ITGA1: variants seen among roughly 807,000 people sequenced by gnomAD.
ITGA1 encodes the protein integrin alpha-1.
ITGA1 carries 85 observed loss-of-function variants against 145.9 expected under a neutral mutation model. That is an observed-to-expected ratio of 0.58 (90% confidence interval 0.49 to 0.70). The LOEUF (loss-of-function observed/expected upper bound fraction) is 0.70. ITGA1 is among the 30% of genes least tolerant of loss of function. ITGA1 has a pLI of 0.00. For missense variants in ITGA1, 1,351 were observed against 1,418.7 expected, an observed-to-expected ratio of 0.95 and a Z score of 0.77; for synonymous variants, 520 against 495.3, an observed-to-expected ratio of 1.05 and a Z score of -0.66.
chr5:52,859,899 C>T (rs1024167441), intron 2 of ITGA1, among the ~76,000 whole-genome samples: 1 of 152,198 alleles, frequency 6.6e-6, no homozygotes, highest in African/African-American at 2.4e-5. Flanking sequence ...CATCTATTTC[C>T]AGCACTGCAG....
intron 1 of ITGA1, among the ~76,000 whole-genome samples, chr5:52,835,403 G>A (rs550135687): frequency 6.6e-6 from 1 of 152,254 alleles, no homozygotes; most frequent in Admixed American, 6.5e-5. Context: ...ATCAACGGGG[G>A]AGTTGGGGAG....
intron 1 of ITGA1, among the ~76,000 whole-genome samples, chr5:52,845,574 T>C (rs765117872): frequency 1.3e-5 from 2 of 152,198 alleles, no homozygotes; most frequent in Admixed American, 6.5e-5. Context: ...GGTGATGTTC[T>C]TGTCTTCATC....
intron 13 of ITGA1, 121 bp downstream of exon 13, chr5:52,909,162 C>A: frequency 1.0e-6 from 1 of 971,228 alleles, no homozygotes; most frequent in Non-Finnish European, 1.5e-6. Flanking sequence ...TATCAGGATT[C>A]ATTCACTCCA....
intron 1 of ITGA1, among the ~76,000 whole-genome samples, chr5:52,816,628 C>T (rs1299168497): frequency 6.6e-6 from 1 of 152,128 alleles, no homozygotes; most frequent in Non-Finnish European, 1.5e-5. Flanking sequence ...GGCCATACCT[C>T]TCTTAGAGAT....
At chr5:52,883,268 G>A (rs76655008) in intron 7 of ITGA1, among the ~76,000 whole-genome samples, 1,962 of 152,298 alleles carry the variant, frequency 0.013, 49 homozygotes, top group African/African-American at 0.045. Context: ...GTAGGGAGCT[G>A]TACGTTTTCC....
chr5:52,833,282 A>G (rs1240614311), intron 1 of ITGA1, among the ~76,000 whole-genome samples: 1 of 152,186 alleles, frequency 6.6e-6, no homozygotes, highest in Non-Finnish European at 1.5e-5. Flanking sequence ...ACAGACTTTT[A>G]CTATGAAAAG....
chr5:52,811,410 G>T (rs569349989), intron 1 of ITGA1, among the ~76,000 whole-genome samples: 6 of 152,232 alleles, frequency 3.9e-5, no homozygotes, highest in Non-Finnish European at 8.8e-5. Flanking sequence ...TTATTTTTGC[G>T]ATCATGTCTT....
chr5:52,831,998 C>T (rs1328054549), intron 1 of ITGA1, among the ~76,000 whole-genome samples: 1 of 152,080 alleles, frequency 6.6e-6, no homozygotes, highest in Non-Finnish European at 1.5e-5. Context: ...CTCATTCTTC[C>T]TCCTCATTCT....
intron 11 of ITGA1, among the ~76,000 whole-genome samples, chr5:52,899,423 G>T (rs1579706215): frequency 6.6e-6 from 1 of 152,148 alleles, no homozygotes; most frequent in African/African-American, 2.4e-5. Flanking sequence ...GACTAAAAAT[G>T]TAACAGTCAA....
intron 2 of ITGA1, among the ~76,000 whole-genome samples, chr5:52,857,243 T>C (rs145548036): frequency 7.7e-4 from 117 of 152,306 alleles, no homozygotes; most frequent in African/African-American, 2.6e-3. Flanking sequence ...TGCTCAATAC[T>C]GGGCTGCTCA....
intron 11 of ITGA1, among the ~76,000 whole-genome samples, chr5:52,900,640 G>A (rs1222791841): frequency 6.6e-6 from 1 of 152,200 alleles, no homozygotes. Context: ...ACTTGAAGCA[G>A]TTATGGTACA....
At chr5:52,844,066 T>A (rs1339740464) in intron 1 of ITGA1, among the ~76,000 whole-genome samples, 2 of 152,288 alleles carry the variant, frequency 1.3e-5, no homozygotes. Flanking sequence ...GTAAAGTAAT[T>A]GCTCACAATT....
intron 14 of ITGA1, among the ~76,000 whole-genome samples, chr5:52,912,723 TG>T (rs1750583654): frequency 7.1e-6 from 1 of 140,812 alleles, no homozygotes. Context: ...TGTGTGTGTG[TG>T]TGTGTGTGTG....
chr5:52,899,807 T>A (rs962868011), intron 11 of ITGA1, among the ~76,000 whole-genome samples: 6 of 152,128 alleles, frequency 3.9e-5, no homozygotes, highest in Non-Finnish European at 8.8e-5. Flanking sequence ...TTAAAAGAGA[T>A]CCTATGGAGC....
At chr5:52,935,820 A>G (rs1275590325) in intron 23 of ITGA1, among the ~76,000 whole-genome samples, 1 of 152,234 alleles carries the variant, frequency 6.6e-6, no homozygotes, top group Admixed American at 6.5e-5. Context: ...ATATATGCAA[A>G]TAGGACAGGT....
intron 6 of ITGA1, among the ~76,000 whole-genome samples, chr5:52,868,586 G>A (rs539634449): frequency 1.1e-4 from 16 of 152,278 alleles, no homozygotes; most frequent in Admixed American, 2.6e-4. Flanking sequence ...TGTATTTTCT[G>A]GAGGGAACAA....
intron 6 of ITGA1, 144 bp downstream of exon 6, chr5:52,865,961 T>G (rs916897068): frequency 1.6e-6 from 1 of 628,586 alleles, no homozygotes; most frequent in Non-Finnish European, 2.5e-6. Flanking sequence ...TTCTTATTTC[T>G]GATAAAAAGG....
intron 1 of ITGA1, among the ~76,000 whole-genome samples, chr5:52,798,104 A>G (rs1385375172): frequency 6.6e-6 from 1 of 152,082 alleles, no homozygotes; most frequent in East Asian, 1.9e-4. Flanking sequence ...AGTTAACAAG[A>G]TACTTTTTTT....
chr5:52,799,122 T>C (rs919616713), intron 1 of ITGA1, among the ~76,000 whole-genome samples: 1 of 152,216 alleles, frequency 6.6e-6, no homozygotes, highest in African/African-American at 2.4e-5. Context: ...AGAAGCTATG[T>C]GTGCAGGACT....
Sources: allele counts gnomAD v4.1 joint callset (sites outside exome capture counted in the v4.1 genomes callset), GRCh38; gene constraint gnomAD v4.1.1; transcripts MANE v1.5; gene names NCBI Gene and HGNC (gene_info 2026-07-23, HGNC 2026-07-21).